Variants in FRS2 observed in about 807,000 individuals in gnomAD.
The protein encoded by FRS2 is FGFR signalling adaptor.
Under a neutral mutation model 43.9 loss-of-function variants are expected in FRS2, and 8 were observed. The observed-to-expected ratio is 0.18, with a 90% CI of 0.11 to 0.33. The LOEUF (loss-of-function observed/expected upper bound fraction) is 0.33. Among genes scored for constraint, FRS2 ranks in the 10% least tolerant of loss-of-function variants. The pLI is 1.00. For synonymous variants in FRS2, 219 were observed against 220.3 expected (o/e 0.99, Z 0.05); for missense variants, 534 against 627.6 (o/e 0.85, Z 1.59).
intron 6 of FRS2, among the ~76,000 whole-genome samples, 175 bp from the exon 7 acceptor site, chr12:69,571,101 C>T (rs186175139): frequency 2.6e-5 from 4 of 152,024 alleles, no homozygotes; most frequent in African/African-American, 4.8e-5. Flanking sequence ...GAACTTTTGG[C>T]GGGGGTTTGT....
At chr12:69,513,488 T>C (rs938170688) in intron 1 of FRS2, among the ~76,000 whole-genome samples, 4 of 152,164 alleles carry the variant, frequency 2.6e-5, no homozygotes, top group Non-Finnish European at 5.9e-5. Flanking sequence ...AGCTGTAACA[T>C]TCTGAACACT....
At chr12:69,488,826 G>T (rs1872195165) in intron 1 of FRS2, among the ~76,000 whole-genome samples, 1 of 152,140 alleles carries the variant, frequency 6.6e-6, no homozygotes, top group South Asian at 2.1e-4. Flanking sequence ...GGCATAAACT[G>T]GTTTGGGAAT....
chr12:69,561,038 C>T lies in FRS2; in HGVS notation c.-121-1142C>T, dbSNP rs544208537. Among the ~76,000 whole-genome samples the T allele has an allele frequency of 3.9e-5, 6 of 152,166 alleles. No individual in the cohort carries two copies. In the South Asian group the frequency reaches 1.2e-3, roughly 32 times the overall value. On this transcript the variant is annotated intron_variant, in intron 3 of 8. Coordinates refer to ENST00000549921, the MANE Select transcript of FRS2 (RefSeq NM_001278356.2). The stretch of plus-strand genomic sequence containing the variant: ...TATTTCTGACTTAATTGGCCAAAGT[C>T]CCCTAGAATACATTTTAAAAGAGTC...
intron 1 of FRS2, among the ~76,000 whole-genome samples, chr12:69,471,788 C>G (rs914632067): frequency 3.2e-4 from 48 of 152,242 alleles, no homozygotes; most frequent in African/African-American, 1.1e-3. Flanking sequence ...CACAAATCAC[C>G]TTCTTGAAAC....
intron 4 of FRS2, among the ~76,000 whole-genome samples, chr12:69,566,618 A>G (rs909435394): frequency 3.9e-5 from 1 of 25,430 alleles, no homozygotes; most frequent in Admixed American, 4.8e-4. Flanking sequence ...GGGGGATTTA[A>G]AAAAAAAAAG....
chr12:69,574,302 A>G lies in FRS2; in HGVS notation c.874A>G (p.Ser292Gly). 6.2e-7 allele frequency: 1 copy of G among 1,614,234 alleles called. No homozygotes were observed. Among genetic ancestry groups the G allele is most frequent in the South Asian group, 1.1e-5 (1 of 91,084 alleles). ...CACAGAATGGGACACTGGCTATGACAGTGATGAACGAAGAGATGCACCCTC... is the reference window on the plus strand; with the variant it reads ...CACAGAATGGGACACTGGCTATGACGGTGATGAACGAAGAGATGCACCCTC... Reference protein sequence around the residue: ...NNTEWDTGYDSDERRDAPSVN... With the variant: ...NNTEWDTGYDGDERRDAPSVN... The change falls in exon 9 of 9, where the codon AGT becomes GGT. Residue 292 changes from serine to glycine, a missense_variant. Ser to Gly is a moderately conservative substitution (Grantham distance 56, BLOSUM62 0). Transcript: ENST00000549921.
intron 1 of FRS2, among the ~76,000 whole-genome samples, chr12:69,511,803 G>A (rs1199136593): frequency 2.0e-5 from 3 of 152,200 alleles, no homozygotes; most frequent in Admixed American, 1.3e-4. Flanking sequence ...TAGTAGTTAT[G>A]AAGTTTGTTT....
intron 1 of FRS2, among the ~76,000 whole-genome samples, chr12:69,492,633 G>A (rs1449029845): frequency 6.6e-6 from 1 of 152,230 alleles, no homozygotes; most frequent in African/African-American, 2.4e-5. Flanking sequence ...TTTAAGGATT[G>A]TTTTGGGAGA....
At chr12:69,487,648 T>A (rs1350611000) in intron 1 of FRS2, among the ~76,000 whole-genome samples, 1 of 152,232 alleles carries the variant, frequency 6.6e-6, no homozygotes, top group Non-Finnish European at 1.5e-5. Context: ...GAGGAGTAAT[T>A]TTGACTTTCA....
chr12:69,517,457 A>G (rs10879001), intron 1 of FRS2, among the ~76,000 whole-genome samples: 12,720 of 151,870 alleles, frequency 0.084, 1,088 homozygotes, highest in East Asian at 0.38. Context: ...GGGATACTCA[A>G]CCTGTACATT....
At chr12:69,470,907 C>T (rs934626543) in intron 1 of FRS2, among the ~76,000 whole-genome samples, 18 of 152,124 alleles carry the variant, frequency 1.2e-4, no homozygotes, top group Non-Finnish European at 1.9e-4. Context: ...CAGACTCAAT[C>T]TTGGGCTCCA....
chr12:69,569,069 C>T lies in FRS2; in HGVS notation c.39C>T (p.Val13=). ...GTAGCTGTCCAGATAAAGACACTGT[C>T]CCAGATAACCATCGGAACAAGTTTA... The part of the protein sequence containing the change: ...SCCSCPDKDT[V]PDNHRNKFKV... The change falls in exon 5 of 9, where the codon GTC becomes GTT. Residue 13 remains valine, a synonymous_variant. Coordinates refer to ENST00000549921, the MANE Select transcript of FRS2 (RefSeq NM_001278356.2). The T allele has an allele frequency of 5.6e-6, 9 of 1,611,352 alleles. No homozygotes were observed. Among genetic ancestry groups the T allele is most frequent in the Middle Eastern group, 1.7e-4 (1 of 6,052 alleles).
intron 4 of FRS2, 25 bp from the exon 5 acceptor site, chr12:69,568,980 T>G: frequency 8.3e-7 from 1 of 1,201,538 alleles, no homozygotes; most frequent in African/African-American, 1.5e-5. Flanking sequence ...ATCTAATAAA[T>G]TTTTCCAAAT....
chr12:69,570,559 T>A lies in FRS2; in HGVS notation c.253+42T>A, dbSNP rs1428867251. The A allele has an allele frequency of 3.2e-6, 4 of 1,255,676 alleles. No individual in the cohort carries two copies. The African/African-American group carries it at 4.5e-5, about 14-fold the overall frequency. The allele number at this position is 1,255,676 out of a possible 1,614,324, so 77.8% of individuals were successfully genotyped here. On this transcript the variant is annotated intron_variant, in intron 6 of 8. Transcript: ENST00000549921. ...TTTTCCCAAATATTGTATTTGAAAT[T>A]GTTTTTTCAGCTATTCTGTATACAA...
chr12:69,557,619 T>TGTGTGTGTGCGCGC (rs1555192498), intron 3 of FRS2, among the ~76,000 whole-genome samples: 40 of 119,020 alleles, frequency 3.4e-4, no homozygotes, highest in African/African-American at 8.2e-4. Context: ...TGTGTGTGTG[T>TGTGTGTGTGCGCGC]GCGCGCGCGC....
Position 69,578,196 on chromosome 12 carries a change from G to A in FRS2, c.*3241G>A, listed in dbSNP as rs1881319188. The A allele has an allele frequency of 6.6e-6, 1 of 152,588 alleles. No individual in the cohort carries two copies. The highest frequency in any genetic ancestry group is 2.1e-4 in the South Asian group (1 of 4,830). The allele number at this position is 152,588 out of a possible 1,614,324, so 9.5% of individuals were successfully genotyped here. ...ATAATGCCCAAATGTTTTGTGCAAT[G>A]TGTAGTGTGTGTGTATAAATACATA... On this transcript the variant is annotated 3_prime_UTR_variant, in exon 9 of 9. Transcript: ENST00000549921.
chr12:69,470,613 G>C (rs752438986), intron 1 of FRS2, 83 bp downstream of exon 1: 1 of 345,394 alleles, frequency 2.9e-6, no homozygotes, highest in South Asian at 1.5e-4. Context: ...CCCGCTTCGG[G>C]ATCCGGGCTG....
At chr12:69,551,221 A>G (rs533245782) in intron 3 of FRS2, among the ~76,000 whole-genome samples, 5 of 152,258 alleles carry the variant, frequency 3.3e-5, no homozygotes, top group Admixed American at 1.3e-4. Context: ...GTGTGGTGGT[A>G]TACGCCTGTA....
intron 1 of FRS2, among the ~76,000 whole-genome samples, chr12:69,527,328 T>G (rs921871846): frequency 1.3e-4 from 19 of 143,708 alleles, no homozygotes; most frequent in Non-Finnish European, 2.4e-4. Context: ...GAGCAAAGTT[T>G]TTTTTTTTTT....
Sources: gnomAD v4.1 joint callset for allele counts (sites outside exome capture counted in the v4.1 genomes callset) on GRCh38, gnomAD v4.1.1 for gene constraint, MANE v1.5 for transcripts, NCBI Gene and HGNC (gene_info 2026-07-23, HGNC 2026-07-21) for gene names.